The following KCNQ3 variants were observed in gnomAD, a reference collection of about 807,000 sequenced individuals.
KCNQ3 encodes potassium voltage-gated channel subfamily KQT member 3.
Under a neutral mutation model 92.5 loss-of-function variants are expected in KCNQ3, and 30 were observed. The ratio of observed to expected loss-of-function variants is 0.32; its 90% CI spans 0.24 to 0.44. KCNQ3 has a LOEUF of 0.44. Among genes scored for constraint, KCNQ3 ranks in the 20% least tolerant of loss-of-function variants. The pLI, the probability that KCNQ3 is intolerant of heterozygous loss-of-function variation, is 1.00. For missense variants in KCNQ3, 913 were observed against 1,140.3 expected, an observed-to-expected ratio of 0.80 and a Z score of 2.87; for synonymous variants, 450 against 468.8, an observed-to-expected ratio of 0.96 and a Z score of 0.52.
intron 9 of KCNQ3, among the ~76,000 whole-genome samples, chr8:132,144,462 A>C (rs1469533427): frequency 6.6e-6 from 1 of 152,248 alleles, no homozygotes; most frequent in East Asian, 1.9e-4. Flanking sequence ...CTAGGAGGGC[A>C]CTGCAGATCT....
intron 9 of KCNQ3, among the ~76,000 whole-genome samples, chr8:132,149,228 C>T (rs1442231426): frequency 6.6e-6 from 1 of 152,228 alleles, no homozygotes; most frequent in Non-Finnish European, 1.5e-5. Flanking sequence ...TCTAACAGGC[C>T]TGTGCACTGG....
intron 1 of KCNQ3, among the ~76,000 whole-genome samples, chr8:132,328,113 G>A (rs981976255): frequency 2.6e-5 from 4 of 152,282 alleles, no homozygotes; most frequent in Admixed American, 2.6e-4. Flanking sequence ...AGTGAGGGAA[G>A]GTACTGAATC....
At chr8:132,292,227 T>A (rs1170878916) in intron 1 of KCNQ3, among the ~76,000 whole-genome samples, 1 of 152,220 alleles carries the variant, frequency 6.6e-6, no homozygotes, top group Non-Finnish European at 1.5e-5. Flanking sequence ...GTGTCTTGAT[T>A]TCCCCACTCT....
chr8:132,451,136 T>C lies in KCNQ3; in HGVS notation c.386+29011A>G, dbSNP rs1821809721. 2.0e-5 allele frequency among the ~76,000 whole-genome samples: 3 copies of C among 152,184 alleles called. No homozygotes were observed. In the East Asian group the frequency reaches 5.8e-4, roughly 29 times the overall value. ...TCATGGGGGTGGGTTTATCTTGTGC[T>C]TTCTCATGATAGTGAATCAGCCTCA... On this transcript the variant is annotated intron_variant, in intron 1 of 14. Transcript: ENST00000388996.
At chr8:132,185,259 A>G (rs1826924275) in intron 2 of KCNQ3, among the ~76,000 whole-genome samples, 2 of 152,204 alleles carry the variant, frequency 1.3e-5, no homozygotes, top group Admixed American at 1.3e-4. Context: ...CCACTATTTT[A>G]AAAGCCCTAA....
intron 8 of KCNQ3, among the ~76,000 whole-genome samples, chr8:132,164,432 T>C (rs1826082927): frequency 6.8e-6 from 1 of 148,068 alleles, no homozygotes; most frequent in Admixed American, 6.7e-5. Context: ...TGGCCTAACA[T>C]AGGGATCCAT....
intron 1 of KCNQ3, among the ~76,000 whole-genome samples, chr8:132,450,507 G>A (rs908688376): frequency 1.1e-4 from 16 of 152,190 alleles, no homozygotes; most frequent in South Asian, 2.1e-4. Context: ...TCTCACCTCC[G>A]TACTGCCAAC....
intron 1 of KCNQ3, among the ~76,000 whole-genome samples, chr8:132,285,563 T>C (rs1196568508): frequency 6.6e-6 from 1 of 152,176 alleles, no homozygotes; most frequent in Non-Finnish European, 1.5e-5. Context: ...AGTGAGCTGC[T>C]AGAATACAGA....
At chr8:132,479,710 C>G (rs1346352554) in intron 1 of KCNQ3, among the ~76,000 whole-genome samples, 1 of 150,008 alleles carries the variant, frequency 6.7e-6, no homozygotes, top group African/African-American at 2.5e-5. Flanking sequence ...AACTCAGTGG[C>G]GATCCCAACA....
chr8:132,193,387 C>T (rs1827216528), intron 1 of KCNQ3, among the ~76,000 whole-genome samples: 1 of 152,174 alleles, frequency 6.6e-6, no homozygotes, highest in Non-Finnish European at 1.5e-5. Flanking sequence ...GGCTCTAAAG[C>T]GGCAGATGCA....
chr8:132,451,283 C>T (rs569176837), intron 1 of KCNQ3, among the ~76,000 whole-genome samples: 96 of 152,342 alleles, frequency 6.3e-4, no homozygotes, highest in African/African-American at 2.2e-3. Context: ...TCCCCAGCCA[C>T]GTGGAACTGT....
intron 1 of KCNQ3, among the ~76,000 whole-genome samples, chr8:132,389,781 G>T (rs1032077289): frequency 6.6e-6 from 1 of 152,138 alleles, no homozygotes; most frequent in Non-Finnish European, 1.5e-5. Flanking sequence ...CATGAAAGAT[G>T]GTTGAGATGT....
chr8:132,342,008 C>T (rs755109492), intron 1 of KCNQ3, among the ~76,000 whole-genome samples: 2 of 152,184 alleles, frequency 1.3e-5, no homozygotes, highest in Non-Finnish European at 2.9e-5. Context: ...TTAAGCAAAA[C>T]TCTCTCCATG....
At chr8:132,241,348 A>G (rs1554635748) in intron 1 of KCNQ3, among the ~76,000 whole-genome samples, 1 of 152,054 alleles carries the variant, frequency 6.6e-6, no homozygotes, top group Non-Finnish European at 1.5e-5. Flanking sequence ...GATACCTTAT[A>G]AAGGTGTTAT....
intron 1 of KCNQ3, among the ~76,000 whole-genome samples, chr8:132,290,555 A>G (rs149302972): frequency 6.0e-4 from 92 of 152,280 alleles, no homozygotes; most frequent in African/African-American, 2.2e-3. Flanking sequence ...ACACAAAATT[A>G]TGTTGGCTTG....
intron 1 of KCNQ3, among the ~76,000 whole-genome samples, chr8:132,242,833 G>C (rs1461951957): frequency 6.6e-6 from 1 of 152,098 alleles, no homozygotes; most frequent in Non-Finnish European, 1.5e-5. Context: ...TCATTTATAG[G>C]CACTTTGCCT....
intron 1 of KCNQ3, among the ~76,000 whole-genome samples, chr8:132,333,405 C>A (rs574642243): frequency 6.6e-6 from 1 of 152,194 alleles, no homozygotes; most frequent in Non-Finnish European, 1.5e-5. Context: ...TGCTGTCCCA[C>A]ATAAATGCAA....
intron 9 of KCNQ3, among the ~76,000 whole-genome samples, chr8:132,143,087 T>C (rs750804899): frequency 1.3e-5 from 2 of 152,234 alleles, no homozygotes; most frequent in Non-Finnish European, 2.9e-5. Flanking sequence ...CAGTGAGCAG[T>C]TGTTATTCCT....
rs1824721283 is a variant in KCNQ3, at chr8:132,127,856, G to T, written c.*1406C>A. On this transcript the variant is annotated 3_prime_UTR_variant, in exon 15 of 15. Coordinates refer to ENST00000388996, the MANE Select transcript of KCNQ3 (RefSeq NM_004519.4). ...TAGGGCAGTGCTTCCCAGGCTGTCT[G>T]CTTACATTTTAGCTTGTCTTACGGT... 6.6e-6 allele frequency: 1 copy of T among 152,166 alleles called. No individual in the cohort carries two copies. Among genetic ancestry groups the T allele is most frequent in the South Asian group, 2.1e-4 (1 of 4,822 alleles). The allele number at this position is 152,166 out of a possible 1,614,324, so 9.4% of individuals were successfully genotyped here.
Sources: allele counts gnomAD v4.1 joint callset (sites outside exome capture counted in the v4.1 genomes callset), GRCh38; gene constraint gnomAD v4.1.1; transcripts MANE v1.5; gene names NCBI Gene and HGNC (gene_info 2026-07-23, HGNC 2026-07-21).